Variants in SMU1 observed in about 807,000 individuals in gnomAD.
SMU1 encodes SMU1 DNA replication regulator and spliceosomal factor, also known as WD40 repeat-containing protein SMU1.
In SMU1, 2 loss-of-function variants were observed where a neutral mutation model predicts 62.0. The ratio of observed to expected loss-of-function variants is 0.03; its 90% confidence interval spans 0.01 to 0.10. The LOEUF is 0.10. SMU1 is among the 10% of genes least tolerant of loss of function. The pLI is 1.00. For synonymous variants in SMU1, 188 were observed against 212.4 expected, an observed-to-expected ratio of 0.89 and a Z score of 1.00; for missense variants, 227 against 622.1, an observed-to-expected ratio of 0.36 and a Z score of 6.76.
chr9:33,041,877 CACTTATAT>C lies in SMU1; in HGVS notation c.*5408_*5415del, dbSNP rs1839129458. 1 of 143,640 alleles carries C rather than the reference CACTTATAT, an allele frequency of 7.0e-6. No homozygotes were observed. Among genetic ancestry groups the C allele is most frequent in the South Asian group, 2.1e-4 (1 of 4,706 alleles). 8.9% of individuals were successfully genotyped at this position (143,640 alleles called of 1,614,324 possible). ...AAAAAGGACAAGTATTGTATAATTT[CACTTATAT>C]GAACTAAACTTAGACAAATGCATTG... On this transcript the variant is annotated 3_prime_UTR_variant, in exon 12 of 12. Coordinates refer to ENST00000397149, the MANE Select transcript of SMU1 (RefSeq NM_018225.3).
rs1191196996 is a variant in SMU1, at chr9:33,049,063, T to G, written c.1291-805A>C. Reference sequence around the variant, plus strand: ...GTTCTTCCCAACTTAATCTACAGATTTCATACAATCCCAATCAAAATCCCA... The same window carrying G: ...GTTCTTCCCAACTTAATCTACAGATGTCATACAATCCCAATCAAAATCCCA... On this transcript the variant is annotated intron_variant, in intron 10 of 11. Coordinates refer to ENST00000397149, the MANE Select transcript of SMU1 (RefSeq NM_018225.3). 2.0e-5 allele frequency among the ~76,000 whole-genome samples: 3 copies of G among 152,210 alleles called. No homozygotes were observed. The East Asian group carries it at 5.8e-4, about 29-fold the overall frequency.
chr9:33,061,611 C>T (rs1217353440), intron 5 of SMU1, among the ~76,000 whole-genome samples: 1 of 151,988 alleles, frequency 6.6e-6, no homozygotes, highest in Non-Finnish European at 1.5e-5. Flanking sequence ...AAAACCACAC[C>T]ATAGGAAGAT....
rs1839513000 is a variant in SMU1, at chr9:33,073,799, G to A, written c.34C>T (p.Arg12Cys). The A allele has an allele frequency of 6.2e-7, 1 of 1,613,698 alleles. No homozygotes were observed. The highest frequency in any genetic ancestry group is 8.5e-7 in the Non-Finnish European group (1 of 1,179,716). Residue 12 changes from arginine to cysteine, a missense_variant, in exon 2 of 12, where the codon CGC becomes TGC. Physicochemically the swap from Arg to Cys is radical, Grantham distance 180. Coordinates refer to ENST00000397149, the MANE Select transcript of SMU1 (RefSeq NM_018225.3). Reference protein sequence around the residue: ...SIEIESSDVIRLIMQYLKENS... With the variant: ...SIEIESSDVICLIMQYLKENS... Reference sequence around the variant, plus strand: ...TCCTTCAAGTACTGCATAATAAGGCGGATCACACTGAAAGAAAACAAATCG... The same window carrying A: ...TCCTTCAAGTACTGCATAATAAGGCAGATCACACTGAAAGAAAACAAATCG...
At chr9:33,049,988 A>G (rs1268906778) in intron 10 of SMU1, among the ~76,000 whole-genome samples, 1 of 152,180 alleles carries the variant, frequency 6.6e-6, no homozygotes, top group Non-Finnish European at 1.5e-5. Context: ...CTGGGAGAAA[A>G]TATCTGTAAA....
At chr9:33,056,535 C>T (rs1839305969) in intron 8 of SMU1, among the ~76,000 whole-genome samples, 1 of 152,132 alleles carries the variant, frequency 6.6e-6, no homozygotes. Flanking sequence ...CAGCTGGGTC[C>T]TTTAGAGTAT....
At chr9:33,054,235 C>T (rs570338032) in intron 9 of SMU1, among the ~76,000 whole-genome samples, 4 of 150,938 alleles carry the variant, frequency 2.7e-5, no homozygotes, top group Admixed American at 1.3e-4. Flanking sequence ...CCTCTGCTGG[C>T]GTTAAACTCC....
intron 9 of SMU1, among the ~76,000 whole-genome samples, chr9:33,055,818 C>T (rs141394663): frequency 5.3e-5 from 8 of 152,304 alleles, no homozygotes; most frequent in African/African-American, 1.9e-4. Context: ...CAGATTTAAC[C>T]ACCATGTGTA....
chr9:33,075,157 A>C (rs1405628221), intron 1 of SMU1, among the ~76,000 whole-genome samples: 2 of 152,186 alleles, frequency 1.3e-5, no homozygotes, highest in African/African-American at 4.8e-5. Context: ...CGGGCAGATC[A>C]CAAGGTCAGG....
Position 33,076,625 on chromosome 9 carries a change from G to T in SMU1, c.-17C>A. 6.2e-7 allele frequency: 1 copy of T among 1,613,828 alleles called. No individual in the cohort carries two copies. The highest frequency in any genetic ancestry group is 8.5e-7 in the Non-Finnish European group (1 of 1,180,022). On this transcript the variant is annotated 5_prime_UTR_variant, in exon 1 of 12. Transcript: ENST00000397149. ...GATCGACATAGCCGTATCTCTCCGG[G>T]AGCAGGCCCCAGCTCTCCCTCAAGG...
chr9:33,071,974 C>T lies in SMU1; in HGVS notation c.238-82G>A, dbSNP rs1160150868. On this transcript the variant is annotated intron_variant, in intron 2 of 11. Coordinates refer to ENST00000397149, the MANE Select transcript of SMU1 (RefSeq NM_018225.3). ...TAATATTTTTCGGTAAAATATCTAACACAGATATGGCCTGTCAAAGGATTT... is the reference window on the plus strand; with the variant it reads ...TAATATTTTTCGGTAAAATATCTAATACAGATATGGCCTGTCAAAGGATTT... 3 of 1,335,044 alleles carry T rather than the reference C, an allele frequency of 2.2e-6. No individual in the cohort carries two copies. In the Admixed American group the frequency reaches 8.6e-5, roughly 38 times the overall value. 82.7% of individuals were successfully genotyped at this position (1,335,044 alleles called of 1,614,324 possible). A position where few individuals can be genotyped will look rare whatever the true frequency, so the allele number is the denominator to read the frequency against.
chr9:33,072,626 T>G (rs1031546213), intron 2 of SMU1, among the ~76,000 whole-genome samples: 3 of 151,076 alleles, frequency 2.0e-5, no homozygotes, highest in African/African-American at 7.3e-5. Context: ...AGGTCAGGAG[T>G]TGGAGACCAG....
chr9:33,047,086 TAGA>T lies in SMU1; in HGVS notation c.*204_*206del, dbSNP rs1839193970. On this transcript the variant is annotated 3_prime_UTR_variant, in exon 12 of 12. Transcript: ENST00000397149. ...GAAAACATTAAGTGACTGCACCAGT[TAGA>T]AGAAGATAAACTAATACCTTAAAAA... The T allele has an allele frequency of 6.9e-6, 3 of 437,326 alleles. No homozygotes were observed. The highest frequency in any genetic ancestry group is 1.2e-3 in the Middle Eastern group (2 of 1,610). The allele number at this position is 437,326 out of a possible 1,614,324, so 27.1% of individuals were successfully genotyped here. A position where few individuals can be genotyped will look rare whatever the true frequency, so the allele number is the denominator to read the frequency against.
rs1839180009 is a variant in SMU1 at position 33,045,884 on chromosome 9, G to A, written c.*1409C>T. ...AATTTTTTAAAAAGGTAAATTACAA[G>A]ACTGCAAAACTTTTTAAAAAAACCT... On this transcript the variant is annotated 3_prime_UTR_variant, in exon 12 of 12. Coordinates refer to ENST00000397149, the MANE Select transcript of SMU1 (RefSeq NM_018225.3). 6.6e-6 allele frequency: 1 copy of A among 152,048 alleles called. No individual in the cohort carries two copies. The highest frequency in any genetic ancestry group is 1.5e-5 in the Non-Finnish European group (1 of 68,008). The allele number at this position is 152,048 out of a possible 1,614,324, so 9.4% of individuals were successfully genotyped here.
intron 7 of SMU1, 80 bp downstream of exon 7, chr9:33,057,518 G>A: frequency 1.3e-6 from 2 of 1,525,262 alleles, no homozygotes; most frequent in Non-Finnish European, 1.8e-6. Flanking sequence ...TTATTATGCT[G>A]AATATCATAT....
chr9:33,060,679 A>G (rs2119436455), intron 5 of SMU1, 95 bp from the exon 6 acceptor site: 3 of 1,513,958 alleles, frequency 2.0e-6, no homozygotes, highest in South Asian at 2.4e-5. Context: ...GCCCTAGCAT[A>G]AAGTCATAGC....
chr9:33,071,663 T>TAAAAA, intron 3 of SMU1, 77 bp downstream of exon 3: 1 of 1,159,792 alleles, frequency 8.6e-7, no homozygotes, highest in Non-Finnish European at 1.2e-6. Context: ...AATAAAATGG[T>TAAAAA]AAAAAAAAAA....
chr9:33,071,681 A>T, intron 3 of SMU1, 59 bp downstream of exon 3: 16 of 1,410,790 alleles, frequency 1.1e-5, no homozygotes, highest in African/African-American at 3.0e-5. Flanking sequence ...AAAAAAAAAG[A>T]TCATGTTATT....
rs144506240 is a variant in SMU1, at chr9:33,065,268, C to T, written c.502-3091G>A. 2.6e-5 allele frequency among the ~76,000 whole-genome samples: 4 copies of T among 152,258 alleles called. No individual in the cohort carries two copies. The East Asian group carries it at 7.7e-4, about 29-fold the overall frequency. ...CCCTATCCCTAGTTTCTACCCCAGC[C>T]CCCAACAAATCTGTCCTTCTTATAT... On this transcript the variant is annotated intron_variant, in intron 4 of 11. Coordinates refer to ENST00000397149, the MANE Select transcript of SMU1 (RefSeq NM_018225.3).
intron 5 of SMU1, 145 bp from the exon 6 acceptor site, chr9:33,060,729 C>G: frequency 4.0e-6 from 4 of 994,322 alleles, no homozygotes; most frequent in Non-Finnish European, 4.3e-6. Context: ...ATTTCTGTAC[C>G]TGGACGCAGG....
Sources: gnomAD v4.1 joint callset for allele counts (sites outside exome capture counted in the v4.1 genomes callset) on GRCh38, gnomAD v4.1.1 for gene constraint, MANE v1.5 for transcripts, NCBI Gene and HGNC (gene_info 2026-07-23, HGNC 2026-07-21) for gene names.